PCDH9: variants seen among roughly 807,000 people sequenced by gnomAD.
PCDH9 encodes the protein protocadherin 9, also known as protocadherin-9.
In PCDH9, 24 loss-of-function variants were observed where a neutral mutation model predicts 70.6. The ratio of observed to expected loss-of-function variants is 0.34; its 90% CI spans 0.25 to 0.48. PCDH9 has a LOEUF of 0.48. Among genes scored for constraint, PCDH9 ranks in the 20% least tolerant of loss-of-function variants. The probability of loss-of-function intolerance (pLI) is 0.99; values close to 1 mark genes in which losing one functional copy is unlikely to be tolerated. For synonymous variants in PCDH9, 562 were observed against 558.5 expected, an observed-to-expected ratio of 1.01 and a Z score of -0.09; for missense variants, 1,281 against 1,503.6, an observed-to-expected ratio of 0.85 and a Z score of 2.45.
intron 2 of PCDH9, among the ~76,000 whole-genome samples, chr13:67,067,618 TTTTTAAAA>T (rs2085675239): frequency 6.6e-6 from 1 of 151,472 alleles, no homozygotes; most frequent in South Asian, 2.1e-4. Flanking sequence ...TTTTAAAAAG[TTTTTAAAA>T]AATCACCAAA....
At chr13:66,639,454 A>G (rs1293551246) in intron 3 of PCDH9, among the ~76,000 whole-genome samples, 3 of 152,224 alleles carry the variant, frequency 2.0e-5, no homozygotes, top group Non-Finnish European at 4.4e-5. Context: ...TATTAATGTC[A>G]TAAGGTGATA....
intron 3 of PCDH9, among the ~76,000 whole-genome samples, chr13:66,800,403 T>C (rs1055770375): frequency 2.0e-5 from 3 of 152,160 alleles, no homozygotes; most frequent in Non-Finnish European, 4.4e-5. Context: ...GCAATCATTT[T>C]GCACTTCATT....
intron 4 of PCDH9, among the ~76,000 whole-genome samples, chr13:66,376,588 T>C (rs1956751067): frequency 6.6e-6 from 1 of 152,098 alleles, no homozygotes. Flanking sequence ...GAAAACAAGT[T>C]ACCCAAACAA....
chr13:66,705,103 G>A lies in PCDH9; in HGVS notation c.3139-73692C>T, dbSNP rs533110284. Among the ~76,000 whole-genome samples the A allele has an allele frequency of 7.3e-4, 111 of 151,998 alleles. 3 individuals carry two copies. The South Asian group carries it at 0.023, about 31-fold the overall frequency. On this transcript the variant is annotated intron_variant, in intron 3 of 4. Coordinates refer to ENST00000377865, the MANE Select transcript of PCDH9 (RefSeq NM_203487.3). ...GTTGTTCTTGAAATGGTTACAAAGG[G>A]GTAAGTGTATAGTGATGGTTTATAC...
chr13:66,926,140 A>G (rs543039358), intron 2 of PCDH9, among the ~76,000 whole-genome samples: 1 of 151,964 alleles, frequency 6.6e-6, no homozygotes, highest in African/African-American at 2.4e-5. Flanking sequence ...CATAACTACT[A>G]TATAGTGCCT....
At position 67,022,106 on chromosome 13, in the gene PCDH9, CTTTTTTTTTTTTTTTTTTTTT is replaced by C. The variant is rs71110623; in HGVS notation, c.3037-118522_3037-118502del. Among the ~76,000 whole-genome samples, 6 of 35,408 alleles carry C rather than the reference CTTTTTTTTTTTTTTTTTTTTT, an allele frequency of 1.7e-4. 1 individual carries two copies. The highest frequency in any genetic ancestry group is 5.1e-4 in the African/African-American group (4 of 7,782). 23.2% of individuals were successfully genotyped at this position (35,408 alleles called of 152,430 possible). On this transcript the variant is annotated intron_variant, in intron 2 of 4. Coordinates refer to ENST00000377865, the MANE Select transcript of PCDH9 (RefSeq NM_203487.3). ...GTCAAAGGGTGGACAAGGTGATGTT[CTTTTTTTTTTTTTTTTTTTTT>C]TTTTTTTTTTTTTTTTTTTTGAGAC...
intron 3 of PCDH9, among the ~76,000 whole-genome samples, chr13:66,800,217 C>T (rs2080304154): frequency 6.6e-6 from 1 of 152,084 alleles, no homozygotes; most frequent in African/African-American, 2.4e-5. Context: ...TTCCCTGTAA[C>T]ATAAACCCTG....
chr13:66,327,277 C>T (rs545741430), intron 4 of PCDH9, among the ~76,000 whole-genome samples: 8 of 152,098 alleles, frequency 5.3e-5, no homozygotes, highest in Non-Finnish European at 1.2e-4. Context: ...ACCTAAATCC[C>T]CCATGCTGTA....
chr13:66,976,682 T>G (rs1365202981), intron 2 of PCDH9, among the ~76,000 whole-genome samples: 1 of 152,088 alleles, frequency 6.6e-6, no homozygotes, highest in African/African-American at 2.4e-5. Context: ...CAAGCGCCTT[T>G]AGGTGGAAGT....
At chr13:66,996,941 C>T (rs1481298921) in intron 2 of PCDH9, among the ~76,000 whole-genome samples, 2 of 152,110 alleles carry the variant, frequency 1.3e-5, no homozygotes, top group African/African-American at 4.8e-5. Context: ...ACAGGAATAG[C>T]ATTGTGCTTT....
At chr13:66,419,802 C>T (rs1318432546) in intron 4 of PCDH9, among the ~76,000 whole-genome samples, 2 of 150,968 alleles carry the variant, frequency 1.3e-5, no homozygotes, top group African/African-American at 4.9e-5. Flanking sequence ...ACTGTAACAC[C>T]AGCGAAACAG....
At chr13:66,978,533 GCTC>G (rs2083669003) in intron 2 of PCDH9, 1 of 151,558 alleles carries the variant, frequency 6.6e-6, no homozygotes, top group Non-Finnish European at 1.5e-5. Flanking sequence ...ATTCACATAT[GCTC>G]CTATTTTAGT....
intron 2 of PCDH9, among the ~76,000 whole-genome samples, chr13:67,048,624 G>A (rs1594439919): frequency 6.6e-6 from 1 of 152,304 alleles, no homozygotes; most frequent in African/African-American, 2.4e-5. Flanking sequence ...TGTGTGGGTG[G>A]GGAATAGAAC....
At chr13:67,060,725 AT>A (rs1463154236) in intron 2 of PCDH9, among the ~76,000 whole-genome samples, 2 of 152,052 alleles carry the variant, frequency 1.3e-5, no homozygotes, top group Admixed American at 6.6e-5. Context: ...ATAATCACTG[AT>A]TTAGACCCAA....
intron 2 of PCDH9, among the ~76,000 whole-genome samples, chr13:67,068,745 A>G (rs1416769577): frequency 6.6e-6 from 1 of 152,148 alleles, no homozygotes; most frequent in Non-Finnish European, 1.5e-5. Flanking sequence ...CCCTTTTTCA[A>G]ACATTTGCCA....
At chr13:66,961,880 G>A (rs994743847) in intron 2 of PCDH9, among the ~76,000 whole-genome samples, 1 of 151,814 alleles carries the variant, frequency 6.6e-6, no homozygotes, top group Admixed American at 6.6e-5. Flanking sequence ...GTGAAACCCC[G>A]TCTCTACTAA....
intron 3 of PCDH9, among the ~76,000 whole-genome samples, chr13:66,856,536 T>C (rs2081397068): frequency 6.6e-6 from 1 of 152,106 alleles, no homozygotes; most frequent in Admixed American, 6.6e-5. Flanking sequence ...TTTCTCCCAG[T>C]GTTTTTTCAG....
chr13:66,723,170 T>C (rs2078964238), intron 3 of PCDH9, among the ~76,000 whole-genome samples: 1 of 152,068 alleles, frequency 6.6e-6, no homozygotes, highest in Non-Finnish European at 1.5e-5. Flanking sequence ...ATTAATATTC[T>C]AGGGGTACCT....
chr13:67,214,394 A>C (rs544472633), intron 2 of PCDH9: 1 of 152,298 alleles, frequency 6.6e-6, no homozygotes, highest in Non-Finnish European at 1.5e-5. Flanking sequence ...CAGGTTTCAA[A>C]TGATTCCAGC....
Sources: allele counts gnomAD v4.1 joint callset (sites outside exome capture counted in the v4.1 genomes callset), GRCh38; gene constraint gnomAD v4.1.1; transcripts MANE v1.5; gene names NCBI Gene and HGNC (gene_info 2026-07-23, HGNC 2026-07-21).